DLG2: variants seen among roughly 807,000 people sequenced by gnomAD.
The protein encoded by DLG2 is discs large MAGUK scaffold protein 2.
In DLG2, 45 loss-of-function variants were observed where a neutral mutation model predicts 132.5. The ratio of observed to expected loss-of-function variants is 0.34; its 90% CI spans 0.27 to 0.44. The LOEUF (loss-of-function observed/expected upper bound fraction) is 0.44, where lower values mean the gene tolerates loss of function less well. Ranked by LOEUF, DLG2 falls within the 20% of genes least tolerant of loss-of-function variation. The probability of loss-of-function intolerance (pLI) is 1.00; values close to 1 mark genes in which losing one functional copy is unlikely to be tolerated. For synonymous variants in DLG2, 424 were observed against 419.6 expected, an observed-to-expected ratio of 1.01 and a Z score of -0.13; for missense variants, 1,045 against 1,196.9, an observed-to-expected ratio of 0.87 and a Z score of 1.87.
At chr11:84,245,829 A>G (rs2097295527) in intron 8 of DLG2, among the ~76,000 whole-genome samples, 1 of 152,168 alleles carries the variant, frequency 6.6e-6, no homozygotes, top group African/African-American at 2.4e-5. Context: ...TCATAAAGGG[A>G]CATACACAGA....
At chr11:85,094,154 T>C (rs988221497) in intron 6 of DLG2, among the ~76,000 whole-genome samples, 1 of 152,242 alleles carries the variant, frequency 6.6e-6, no homozygotes, top group Non-Finnish European at 1.5e-5. Context: ...AGGATTATGA[T>C]TGGCACTACA....
chr11:83,623,847 T>A (rs11233700), intron 19 of DLG2, among the ~76,000 whole-genome samples: 7,025 of 152,270 alleles, frequency 0.046, 200 homozygotes, highest in South Asian at 0.13. Context: ...GCTCCCTCAA[T>A]TTTTTCATGC....
intron 6 of DLG2, among the ~76,000 whole-genome samples, chr11:85,051,798 A>T (rs1327186293): frequency 6.6e-6 from 1 of 152,100 alleles, no homozygotes; most frequent in Non-Finnish European, 1.5e-5. Flanking sequence ...GGGTGTGGTA[A>T]AAGTAAAGTA....
intron 8 of DLG2, among the ~76,000 whole-genome samples, chr11:84,222,048 T>C (rs2096923331): frequency 6.6e-6 from 1 of 152,208 alleles, no homozygotes; most frequent in Non-Finnish European, 1.5e-5. Context: ...TTTATTTTTT[T>C]TTAAACAGAC....
chr11:85,570,916 T>C lies in DLG2; in HGVS notation c.40+27741A>G, dbSNP rs543525433. On this transcript the variant is annotated intron_variant, in intron 3 of 27. Coordinates refer to ENST00000376104, the MANE Select transcript of DLG2 (RefSeq NM_001142699.3). ...GCCTCTTCAGTAAATCTTTCGATTA[T>C]TGTACTTTTCAAACCAGAATTCCTG... is the stretch of plus-strand genomic sequence containing the variant. 6.6e-5 allele frequency among the ~76,000 whole-genome samples: 10 copies of C among 152,274 alleles called. No homozygotes were observed. The South Asian group carries it at 1.9e-3, about 28-fold the overall frequency.
chr11:84,097,598 T>C (rs2097183282), intron 10 of DLG2, among the ~76,000 whole-genome samples: 1 of 152,206 alleles, frequency 6.6e-6, no homozygotes, highest in Non-Finnish European at 1.5e-5. Context: ...TTACAGTCAT[T>C]AACAAGTGTC....
rs1001456833 is a variant in DLG2, at chr11:85,080,176, G to A, written c.357+31485C>T. 5.9e-5 allele frequency among the ~76,000 whole-genome samples: 9 copies of A among 152,152 alleles called. No homozygotes were observed. In the East Asian group the frequency reaches 1.6e-3, roughly 26 times the overall value. ...AGTACCTGAACCAAGAGGGATAGGTGCTTTTATATTTTTAGTAGTGGGGTG... is the reference window on the plus strand; with the variant it reads ...AGTACCTGAACCAAGAGGGATAGGTACTTTTATATTTTTAGTAGTGGGGTG... On this transcript the variant is annotated intron_variant, in intron 6 of 27. Coordinates refer to ENST00000376104, the MANE Select transcript of DLG2 (RefSeq NM_001142699.3).
chr11:84,488,590 A>T (rs947295906), intron 7 of DLG2, among the ~76,000 whole-genome samples: 11 of 152,046 alleles, frequency 7.2e-5, no homozygotes, highest in Non-Finnish European at 1.2e-4. Flanking sequence ...TGCATTTTCC[A>T]TAGTTAAGGA....
intron 9 of DLG2, among the ~76,000 whole-genome samples, chr11:84,149,717 G>T (rs946595194): frequency 1.4e-4 from 21 of 151,780 alleles, no homozygotes; most frequent in African/African-American, 4.6e-4. Flanking sequence ...GGTTACATAA[G>T]AATTTTATTT....
At chr11:84,377,099 T>C (rs886207164) in intron 7 of DLG2, among the ~76,000 whole-genome samples, 1 of 152,112 alleles carries the variant, frequency 6.6e-6, no homozygotes, top group African/African-American at 2.4e-5. Flanking sequence ...ATTTTCTGAT[T>C]TAATGTAATA....
At chr11:83,490,399 A>AAAG (rs2093771608) in intron 21 of DLG2, among the ~76,000 whole-genome samples, 1 of 152,040 alleles carries the variant, frequency 6.6e-6, no homozygotes, top group South Asian at 2.1e-4. Flanking sequence ...AAATGGGATA[A>AAAG]AAGAAAAGCT....
At chr11:84,362,632 T>C (rs1397398370) in intron 7 of DLG2, among the ~76,000 whole-genome samples, 3 of 152,250 alleles carry the variant, frequency 2.0e-5, no homozygotes, top group African/African-American at 4.8e-5. Context: ...TAGCATTAGG[T>C]ATGTCTCCCA....
chr11:84,587,912 T>G (rs1407740586), intron 6 of DLG2, among the ~76,000 whole-genome samples: 1 of 152,202 alleles, frequency 6.6e-6, no homozygotes, highest in Non-Finnish European at 1.5e-5. Flanking sequence ...TCCTTACAGC[T>G]CACCTGAACC....
chr11:84,223,153 G>C (rs10792739), intron 8 of DLG2, among the ~76,000 whole-genome samples: 149,159 of 152,258 alleles, frequency 0.98, 73,063 homozygotes, highest in East Asian at 1. Flanking sequence ...GAGATGGGAT[G>C]TCAACAGGAT....
chr11:85,021,693 GGCT>G, intron 6 of DLG2: 1 of 962,868 alleles, frequency 1.0e-6, no homozygotes, highest in South Asian at 1.4e-5. Context: ...CTGAAAATGT[GGCT>G]GAAGATCAAA....
At chr11:83,652,747 C>A (rs146330419) in intron 18 of DLG2, among the ~76,000 whole-genome samples, 30 of 152,236 alleles carry the variant, frequency 2.0e-4, no homozygotes, top group East Asian at 9.7e-4. Flanking sequence ...CTGAGGGTAG[C>A]CCTTCTGTGT....
intron 6 of DLG2, among the ~76,000 whole-genome samples, chr11:84,565,940 G>A (rs909348930): frequency 8.0e-5 from 12 of 149,700 alleles, no homozygotes; most frequent in African/African-American, 2.5e-4. Context: ...CTATTTCCAC[G>A]TTAAATTTCA....
At chr11:85,534,076 C>T (rs995479931) in intron 3 of DLG2, among the ~76,000 whole-genome samples, 3 of 152,134 alleles carry the variant, frequency 2.0e-5, no homozygotes, top group African/African-American at 7.2e-5. Flanking sequence ...CAGTCCCCAC[C>T]TCCCAGGTTC....
chr11:84,201,428 C>T (rs2096591501), intron 8 of DLG2, among the ~76,000 whole-genome samples: 1 of 152,088 alleles, frequency 6.6e-6, no homozygotes, highest in Admixed American at 6.6e-5. Flanking sequence ...GTATCTCTGC[C>T]ACATTTTGGT....
Sources: gnomAD v4.1 joint callset for allele counts (sites outside exome capture counted in the v4.1 genomes callset) on GRCh38, gnomAD v4.1.1 for gene constraint, MANE v1.5 for transcripts, NCBI Gene and HGNC (gene_info 2026-07-23, HGNC 2026-07-21) for gene names.